Variants in SMPD4 observed in about 807,000 individuals in gnomAD.
SMPD4 encodes sphingomyelin phosphodiesterase 4.
In SMPD4, 58 loss-of-function variants were observed where a neutral mutation model predicts 97.8. The ratio of observed to expected loss-of-function variants is 0.59; its 90% CI spans 0.48 to 0.74. The LOEUF is 0.74. Among genes scored for constraint, SMPD4 ranks in the 30% least tolerant of loss-of-function variants. The pLI is 0.00. For synonymous variants in SMPD4, 388 were observed against 450.0 expected (o/e 0.86, Z 1.74); for missense variants, 853 against 1,080.5 (o/e 0.79, Z 2.95).
chr2:130,176,927 C>A (rs1467960206), intron 1 of SMPD4, among the ~76,000 whole-genome samples: 1 of 152,228 alleles, frequency 6.6e-6, no homozygotes, highest in Non-Finnish European at 1.5e-5. Flanking sequence ...CTGGCCTCCA[C>A]TGATCCTCCT....
At chr2:130,164,199 C>T (rs1426447838) in intron 10 of SMPD4, among the ~76,000 whole-genome samples, 175 bp downstream of exon 10, 1 of 152,186 alleles carries the variant, frequency 6.6e-6, no homozygotes, top group Non-Finnish European at 1.5e-5. Flanking sequence ...CCCCTGCCCG[C>T]CACCGGAAAC....
At chr2:130,165,993 T>TA (rs1333111527) in intron 9 of SMPD4, among the ~76,000 whole-genome samples, 7 of 152,128 alleles carry the variant, frequency 4.6e-5, no homozygotes, top group Non-Finnish European at 7.4e-5. Flanking sequence ...TTTCATGTTA[T>TA]ATATATCTTA....
chr2:130,157,317 A>G lies in SMPD4; in HGVS notation c.1031T>C (p.Leu344Pro). The change falls in exon 12 of 20, where the codon CTG becomes CCG. Residue 344 changes from leucine to proline, a missense_variant. Physicochemically the swap from Leu to Pro is moderately conservative, Grantham distance 98 (BLOSUM62 -3). This residue lies in a region of SMPD4 where 29 missense variants were observed against 70.2 expected (regional missense o/e 0.41). Coordinates refer to ENST00000680298, the MANE Select transcript of SMPD4 (RefSeq NM_017951.5). The part of the protein sequence containing the change: ...LKHLHAFANS[L>P]KPEQASPSAH... The stretch of plus-strand genomic sequence containing the variant: ...GGAGGGTGAGGCCTGCTCTGGCTTC[A>G]GGCTGTTGGCAAAGGCGTGCAGGTG... 8.2e-6 allele frequency: 13 copies of G among 1,585,290 alleles called. No individual in the cohort carries two copies. The highest frequency in any genetic ancestry group is 1.0e-5 in the Non-Finnish European group (12 of 1,166,620).
chr2:130,174,656 C>A (rs1458572934), intron 3 of SMPD4, among the ~76,000 whole-genome samples: 2 of 152,200 alleles, frequency 1.3e-5, no homozygotes, highest in Non-Finnish European at 2.9e-5. Flanking sequence ...TCCCCATCTA[C>A]CTCCAGATGT....
rs1260334447 is a variant in SMPD4, at chr2:130,154,442, G to A, written c.1494C>T (p.His498=). 5.9e-5 allele frequency: 93 copies of A among 1,565,534 alleles called. No homozygotes were observed. Among genetic ancestry groups the A allele is most frequent in the Non-Finnish European group, 7.6e-5 (88 of 1,154,130 alleles). The change falls in exon 16 of 20, where the codon CAC becomes CAT. Residue 498 remains histidine (H), a synonymous_variant. Coordinates refer to ENST00000680298, the MANE Select transcript of SMPD4 (RefSeq NM_017951.5). ...LFLEPELVIP[H]RQHRLFTAPT... is the part of the protein sequence containing the mutation. ...GGGCCGTGAAGAGTCGGTGCTGGCGGTGGGGGATGACCAGCTCTGGCTCCA... is the reference window on the plus strand; with the variant it reads ...GGGCCGTGAAGAGTCGGTGCTGGCGATGGGGGATGACCAGCTCTGGCTCCA...
chr2:130,175,211 T>C (rs1573728997), intron 2 of SMPD4, among the ~76,000 whole-genome samples: 1 of 152,156 alleles, frequency 6.6e-6, no homozygotes, highest in South Asian at 2.1e-4. Context: ...GACCAGGAAC[T>C]ATCAGCCTTG....
intron 10 of SMPD4, among the ~76,000 whole-genome samples, chr2:130,162,835 G>A (rs370107460): frequency 6.6e-6 from 1 of 152,200 alleles, no homozygotes; most frequent in Non-Finnish European, 1.5e-5. Flanking sequence ...ACTGGAAGAG[G>A]CGAAGAGTGG....
At chr2:130,165,890 CAAG>C (rs1687882357) in intron 9 of SMPD4, among the ~76,000 whole-genome samples, 1 of 152,050 alleles carries the variant, frequency 6.6e-6, no homozygotes, top group African/African-American at 2.4e-5. Context: ...TTCAGTTTTG[CAAG>C]ATGAAAAGCA....
chr2:130,158,220 G>A (rs896713287), intron 11 of SMPD4: 13 of 1,288,580 alleles, frequency 1.0e-5, no homozygotes, highest in East Asian at 5.6e-5. Flanking sequence ...ATGAGAACTC[G>A]GCCCAGTAGA....
chr2:130,173,956 G>C (rs1573725682), intron 3 of SMPD4, among the ~76,000 whole-genome samples: 1 of 132,456 alleles, frequency 7.5e-6, no homozygotes, highest in South Asian at 2.4e-4. Context: ...ATTAAATTAA[G>C]AAAAATAAAT....
chr2:130,172,931 C>T (rs1688616944), intron 5 of SMPD4, 36 bp from the exon 6 acceptor site: 1 of 1,587,618 alleles, frequency 6.3e-7, no homozygotes, highest in Non-Finnish European at 8.6e-7. Flanking sequence ...TGGGCAGGTG[C>T]TGGTGCGTAG....
intron 8 of SMPD4, among the ~76,000 whole-genome samples, chr2:130,170,346 G>A (rs1688328546): frequency 6.6e-6 from 1 of 151,188 alleles, no homozygotes; most frequent in Non-Finnish European, 1.5e-5. Context: ...AATTAGCTGG[G>A]TGTGGTGACA....
upstream of SMPD4, chr2:130,181,689 A>G (rs1689659173): frequency 2.6e-6 from 4 of 1,548,382 alleles, no homozygotes; most frequent in East Asian, 4.9e-5. Context: ...CGCGTGCGCA[A>G]AGCGAAGGCC....
chr2:130,162,444 G>A (rs1376341704), intron 10 of SMPD4, among the ~76,000 whole-genome samples: 1 of 152,246 alleles, frequency 6.6e-6, no homozygotes, highest in Non-Finnish European at 1.5e-5. Context: ...AGGGCAGGGA[G>A]GTGTTGCCCT....
intron 1 of SMPD4, among the ~76,000 whole-genome samples, chr2:130,179,701 C>G (rs1689317395): frequency 6.6e-6 from 1 of 151,542 alleles, no homozygotes; most frequent in Non-Finnish European, 1.5e-5. Flanking sequence ...CGTTGCCAAG[C>G]TGGAGTCCAA....
intron 8 of SMPD4, 145 bp downstream of exon 8, chr2:130,172,204 C>T: frequency 1.0e-6 from 1 of 960,422 alleles, no homozygotes; most frequent in African/African-American, 1.7e-5. Context: ...CCAGTCTGTG[C>T]TAAGACAGCT....
chr2:130,177,526 C>T (rs547633123), intron 1 of SMPD4, among the ~76,000 whole-genome samples: 35 of 151,768 alleles, frequency 2.3e-4, no homozygotes, highest in Non-Finnish European at 3.8e-4. Context: ...GGTGAAAACC[C>T]GTCTCTACCA....
intron 8 of SMPD4, among the ~76,000 whole-genome samples, chr2:130,168,941 A>T (rs1460073919): frequency 1.3e-5 from 2 of 152,004 alleles, no homozygotes; most frequent in Non-Finnish European, 2.9e-5. Flanking sequence ...AGCTGGTCTC[A>T]CACTCCTGAG....
chr2:130,154,836 G>GTGA, intron 15 of SMPD4: 1 of 611,312 alleles, frequency 1.6e-6, no homozygotes, highest in South Asian at 2.0e-5. Flanking sequence ...TCACGGGGCC[G>GTGA]CAGCTTGGAC....
Sources: gnomAD v4.1 joint callset for allele counts (sites outside exome capture counted in the v4.1 genomes callset) on GRCh38, gnomAD v4.1.1 for gene constraint, gnomAD v4.1.1 regional missense constraint, MANE v1.5 for transcripts, NCBI Gene and HGNC (gene_info 2026-07-23, HGNC 2026-07-21) for gene names.